MGAT5: variants seen among roughly 807,000 people sequenced by gnomAD.
MGAT5 encodes the protein alpha-1,6-mannosylglycoprotein 6-beta-N-acetylglucosaminyltransferase A.
A neutral mutation model predicts 94.3 loss-of-function variants in MGAT5; 30 were observed. The observed-to-expected ratio is 0.32, with a 90% CI of 0.24 to 0.43. The LOEUF (loss-of-function observed/expected upper bound fraction) is 0.43, where lower values mean the gene tolerates loss of function less well. Ranked by LOEUF, MGAT5 falls within the 20% of genes least tolerant of loss-of-function variation. MGAT5 has a pLI of 1.00. For missense variants in MGAT5, 691 were observed against 905.5 expected (o/e 0.76, Z 3.04); for synonymous variants, 310 against 322.9 (o/e 0.96, Z 0.43).
At chr2:134,253,406 G>C (rs373280477), upstream of MGAT5, among the ~76,000 whole-genome samples, 3 of 152,332 alleles carry the variant, frequency 2.0e-5, no homozygotes, top group Non-Finnish European at 2.9e-5. Flanking sequence ...GGTCCTACTT[G>C]TTGGGAAGCC....
chr2:134,230,825 AACAC>A (rs58303257), intron 1 of MGAT5, among the ~76,000 whole-genome samples: 7 of 150,752 alleles, frequency 4.6e-5, no homozygotes, highest in Non-Finnish European at 7.4e-5. Context: ...GGGGAATGAA[AACAC>A]ACACACACAC....
chr2:134,335,603 A>C (rs1688288037), intron 4 of MGAT5, among the ~76,000 whole-genome samples: 1 of 151,752 alleles, frequency 6.6e-6, no homozygotes. Flanking sequence ...AAGATCATCA[A>C]GGTTTTTTTT....
chr2:134,389,557 G>A (rs1201340766), intron 10 of MGAT5, among the ~76,000 whole-genome samples: 4 of 152,168 alleles, frequency 2.6e-5, no homozygotes, highest in Admixed American at 2.6e-4. Flanking sequence ...TAGGTTCCCT[G>A]GTGATTAATT....
intron 1 of MGAT5, among the ~76,000 whole-genome samples, chr2:134,199,913 ACAT>A (rs1679694275): frequency 6.6e-6 from 1 of 152,108 alleles, no homozygotes; most frequent in Non-Finnish European, 1.5e-5. Context: ...GCAAGAATGA[ACAT>A]GCTTCTTGCC....
intron 1 of MGAT5, among the ~76,000 whole-genome samples, chr2:134,263,071 G>A (rs949995229): frequency 3.3e-5 from 5 of 152,320 alleles, no homozygotes; most frequent in Non-Finnish European, 7.3e-5. Flanking sequence ...GCATGGTACA[G>A]CAAGCAGGAA....
At chr2:134,270,667 T>C (rs1558748449) in intron 2 of MGAT5, 117 bp downstream of exon 2, 5 of 1,012,178 alleles carry the variant, frequency 4.9e-6, no homozygotes, top group Admixed American at 3.2e-5. Context: ...TCTATAAACT[T>C]GGCATGGCCA....
chr2:134,287,046 T>G (rs1391003237), intron 2 of MGAT5, among the ~76,000 whole-genome samples: 1 of 152,220 alleles, frequency 6.6e-6, no homozygotes, highest in African/African-American at 2.4e-5. Flanking sequence ...GAACTGTTTA[T>G]TGAGTAGTCT....
chr2:134,405,133 G>A (rs1484955222), intron 11 of MGAT5, among the ~76,000 whole-genome samples: 2 of 152,232 alleles, frequency 1.3e-5, no homozygotes, highest in African/African-American at 2.4e-5. Context: ...TACCCTGTCA[G>A]AGATTAGGAA....
intron 2 of MGAT5, among the ~76,000 whole-genome samples, chr2:134,280,503 G>C (rs1684625076): frequency 6.6e-6 from 1 of 152,228 alleles, no homozygotes; most frequent in Non-Finnish European, 1.5e-5. Flanking sequence ...TGCACTCTTA[G>C]CTGGTTTTAA....
chr2:134,182,877 C>T, intron 1 of MGAT5, among the ~76,000 whole-genome samples: 1 of 149,278 alleles, frequency 6.7e-6, no homozygotes, highest in South Asian at 2.1e-4. Flanking sequence ...AGCTCCGCCT[C>T]CAGGGTTCAC....
intron 13 of MGAT5, among the ~76,000 whole-genome samples, chr2:134,427,867 C>T (rs771214085): frequency 7.2e-5 from 11 of 152,238 alleles, no homozygotes; most frequent in Admixed American, 2.6e-4. Context: ...GTCACTGTCA[C>T]GGATCCTTCA....
At chr2:134,228,134 A>G (rs1374005132) in intron 1 of MGAT5, among the ~76,000 whole-genome samples, 1 of 152,184 alleles carries the variant, frequency 6.6e-6, no homozygotes, top group African/African-American at 2.4e-5. Flanking sequence ...AGAAGGTCAC[A>G]GCATTTGTGT....
At chr2:134,446,033 G>A (rs1199904496) in intron 15 of MGAT5, among the ~76,000 whole-genome samples, 3 of 152,302 alleles carry the variant, frequency 2.0e-5, no homozygotes, top group African/African-American at 4.8e-5. Flanking sequence ...AGACACTGGG[G>A]CCAGGGGGTT....
chr2:134,244,169 C>T (rs1176695966), intron 1 of MGAT5, among the ~76,000 whole-genome samples: 1 of 152,174 alleles, frequency 6.6e-6, no homozygotes, highest in Non-Finnish European at 1.5e-5. Flanking sequence ...AGGAGACCTA[C>T]CTGACAAATT....
chr2:134,254,835 A>T (rs1051171827), intron 1 of MGAT5, among the ~76,000 whole-genome samples, 191 bp downstream of exon 1: 1 of 152,192 alleles, frequency 6.6e-6, no homozygotes, highest in Non-Finnish European at 1.5e-5. Flanking sequence ...GAGCTGGTGT[A>T]TGCAGACACA....
At chr2:134,124,989 A>T (rs958633518) in intron 1 of MGAT5, among the ~76,000 whole-genome samples, 4 of 152,152 alleles carry the variant, frequency 2.6e-5, no homozygotes, top group African/African-American at 9.7e-5. Context: ...TAAATATCCT[A>T]CACAGAAAAG....
intron 4 of MGAT5, among the ~76,000 whole-genome samples, chr2:134,325,462 G>GTCGATCCATATTCAACAATTT (rs1687588711): frequency 6.6e-6 from 1 of 152,042 alleles, no homozygotes; most frequent in Non-Finnish European, 1.5e-5. Context: ...TTCAACAATT[G>GTCGATCCATATTCAACAATTT]TCAATCCATA....
intron 14 of MGAT5, among the ~76,000 whole-genome samples, chr2:134,440,766 A>G (rs527348868): frequency 6.6e-6 from 1 of 152,160 alleles, no homozygotes; most frequent in Non-Finnish European, 1.5e-5. Context: ...ATAGTGAATT[A>G]TGAGGTGGGA....
chr2:134,302,857 C>G (rs1156314150), intron 2 of MGAT5, among the ~76,000 whole-genome samples: 2 of 151,536 alleles, frequency 1.3e-5, no homozygotes, highest in East Asian at 3.9e-4. Context: ...TTTTCTCTGT[C>G]TGCTTTCAAC....
Sources: allele counts gnomAD v4.1 joint callset (sites outside exome capture counted in the v4.1 genomes callset), GRCh38; gene constraint gnomAD v4.1.1; transcripts MANE v1.5; gene names NCBI Gene and HGNC (gene_info 2026-07-23, HGNC 2026-07-21).